The following LTN1 variants were observed in gnomAD, a reference collection of about 807,000 sequenced individuals.
The protein encoded by LTN1 is listerin E3 ubiquitin protein ligase 1, also known as E3 ubiquitin-protein ligase listerin.
A neutral mutation model predicts 201.2 loss-of-function variants in LTN1; 88 were observed. That is an observed-to-expected ratio of 0.44 (90% CI 0.37 to 0.52). The LOEUF (loss-of-function observed/expected upper bound fraction) is 0.52. LTN1 is among the 20% of genes least tolerant of loss of function. LTN1 has a pLI of 0.00. For synonymous variants in LTN1, 645 were observed against 713.5 expected (o/e 0.90, Z 1.53); for missense variants, 1,752 against 2,038.7 (o/e 0.86, Z 2.71).
chr21:28,967,040 T>G lies in LTN1; in HGVS notation c.1451A>C (p.Glu484Ala). 2 of 1,614,184 alleles carry G rather than the reference T, an allele frequency of 1.2e-6. No homozygotes were observed. The highest frequency in any genetic ancestry group is 8.5e-7 in the Non-Finnish European group (1 of 1,180,020). The change falls in exon 10 of 30, where the codon GAG (glutamate) becomes GCG (alanine). Residue 484 changes from glutamate to alanine, a missense_variant. Coordinates refer to ENST00000361371, the MANE Select transcript of LTN1 (RefSeq NM_015565.3). ...TTCCCAGAAATGTATCAGTACGTTC[T>G]CCAAGTTGTGAGCTGTTTTTTCATC... The part of the protein sequence containing the change: ...EKDEKTAHNL[E>A]NVLIHFWERL...
Position 28,971,338 on chromosome 21 carries a change from T to TCAATG in LTN1, c.912_916dup (p.Asp306AlafsTer31). The TCAATG allele has an allele frequency of 1.9e-6, 3 of 1,614,130 alleles. No homozygotes were observed. The highest frequency in any genetic ancestry group is 2.5e-6 in the Non-Finnish European group (3 of 1,179,980). ...TGGGCAGACAATTGGGTCACTGTCA[T>TCAATG]CAATGCTAAGTAGAACTGATGGGCT... On this transcript the variant is annotated frameshift_variant, in exon 7 of 30. Transcript: ENST00000361371. LOFTEE classifies it high-confidence loss of function.
Position 28,959,504 on chromosome 21 carries a change from A to C in LTN1, c.2547T>G (p.Thr849=). 6.2e-7 allele frequency: 1 copy of C among 1,613,976 alleles called. No homozygotes were observed. Among genetic ancestry groups the C allele is most frequent in the Middle Eastern group, 1.7e-4 (1 of 6,056 alleles). ...LMPSSEDLLL[T]LFQLCAQSKE... The stretch of plus-strand genomic sequence containing the variant: ...TGCTCTGAGCACATAACTGAAAGAG[A>C]GTTAATAATAAATCTTCAGATGATG... The change falls in exon 13 of 30, where the codon ACT becomes ACG. Residue 849 remains threonine (T), a synonymous_variant. Transcript: ENST00000361371.
At chr21:28,976,538 T>C (rs1168432403) in intron 6 of LTN1, among the ~76,000 whole-genome samples, 1 of 149,706 alleles carries the variant, frequency 6.7e-6, no homozygotes, top group Non-Finnish European at 1.5e-5. Flanking sequence ...AGGCAGAGGT[T>C]GCAGTGAGCC....
chr21:28,983,598 G>C (rs576302208), intron 4 of LTN1, among the ~76,000 whole-genome samples: 1 of 152,162 alleles, frequency 6.6e-6, no homozygotes, highest in African/African-American at 2.4e-5. Flanking sequence ...GGGAAGCAGG[G>C]ACCAGATCAT....
At position 28,930,449 on chromosome 21, in the gene LTN1, C is replaced by T; in HGVS notation, c.5300G>A (p.Ter1767=). 2 of 1,611,358 alleles carry T rather than the reference C, an allele frequency of 1.2e-6. No individual in the cohort carries two copies. The highest frequency in any genetic ancestry group is 1.7e-6 in the Non-Finnish European group (2 of 1,178,262). ...GGATCCCTTCCAGTGAAAAAAATCT[C>T]AGAAAAACGTCTCACGACACAGTGG... ...TCPLCRETFF[*] Residue 1767 remains the stop codon, a stop_retained_variant, in exon 30 of 30, where the codon TGA becomes TAA. Transcript: ENST00000361371.
rs1034679944 is a variant in LTN1, at chr21:28,953,101, T to C, written c.3239+116A>G. ...TATTTATTATTAAGAATAGGAATTA[T>C]TTAGATCAATCCTCTGACTGAAACA... is the stretch of plus-strand genomic sequence containing the variant. On this transcript the variant is annotated intron_variant, in intron 17 of 29. Coordinates refer to ENST00000361371, the MANE Select transcript of LTN1 (RefSeq NM_015565.3). The C allele has an allele frequency of 2.0e-5, 12 of 610,402 alleles. No homozygotes were observed. The Admixed American group carries it at 2.4e-4, about 12-fold the overall frequency. The allele number at this position is 610,402 out of a possible 1,614,324, so 37.8% of individuals were successfully genotyped here.
At chr21:28,933,661 TTCTCTC>T (rs67814193) in intron 27 of LTN1, among the ~76,000 whole-genome samples, 1 of 151,168 alleles carries the variant, frequency 6.6e-6, no homozygotes, top group Non-Finnish European at 1.5e-5. Flanking sequence ...TGCAATACTA[TTCTCTC>T]TCTCTCTCTC....
In LTN1 at chr21:28,958,522, G is replaced by C; in HGVS notation, c.2611C>G (p.Leu871Val). ...THLPDFLICKLKNTWLSGVNL... is the reference protein window; with the variant it reads ...THLPDFLICKVKNTWLSGVNL... ...ACACCAGAGAGCCAAGTATTTTTCA[G>C]TTTACAGATAAGAAAATCTAAAATC... The change falls in exon 14 of 30, where the codon CTG becomes GTG. Residue 871 changes from leucine (L) to valine (V), a missense_variant. By Grantham distance (32) the Leu-to-Val change is conservative. Transcript: ENST00000361371. 6.3e-7 allele frequency: 1 copy of C among 1,598,618 alleles called. No individual in the cohort carries two copies. Among genetic ancestry groups the C allele is most frequent in the South Asian group, 1.1e-5 (1 of 88,382 alleles).
At chr21:28,950,629 C>A (rs1036546477) in intron 18 of LTN1, among the ~76,000 whole-genome samples, 1 of 152,116 alleles carries the variant, frequency 6.6e-6, no homozygotes, top group Admixed American at 6.5e-5. Flanking sequence ...GATCCTCCCA[C>A]CTCAGCCTCC....
intron 9 of LTN1, 98 bp downstream of exon 9, chr21:28,969,368 A>C (rs2084554078): frequency 1.0e-6 from 1 of 1,001,746 alleles, no homozygotes; most frequent in South Asian, 2.2e-5. Context: ...AAATTTTTAC[A>C]AGGAAGGCTT....
At chr21:28,987,055 G>T in intron 1 of LTN1, 121 bp from the exon 2 acceptor site, 1 of 660,656 alleles carries the variant, frequency 1.5e-6, no homozygotes, top group Non-Finnish European at 2.5e-6. Flanking sequence ...TTTTTTCCTA[G>T]CCTAAAATTT....
rs182212287 is a variant in LTN1, at chr21:28,930,628, C to T, written c.5239-118G>A. 1,064 of 632,666 alleles carry T rather than the reference C, an allele frequency of 1.7e-3. 8 individuals carry two copies. Among genetic ancestry groups the T allele is most frequent in the South Asian group, 4.5e-3 (162 of 35,698 alleles). 39.2% of individuals were successfully genotyped at this position (632,666 alleles called of 1,614,324 possible). A position where few individuals can be genotyped will look rare whatever the true frequency, so the allele number is the denominator to read the frequency against. ...AAATGATAAAGTGAAAAGGGAAGAACAATAAAATTTTTGCTCTTTCTGTTA... is the reference window on the plus strand; with the variant it reads ...AAATGATAAAGTGAAAAGGGAAGAATAATAAAATTTTTGCTCTTTCTGTTA... On this transcript the variant is annotated intron_variant, in intron 29 of 29. Coordinates refer to ENST00000361371, the MANE Select transcript of LTN1 (RefSeq NM_015565.3).
At chr21:28,987,456 T>C (rs1343229674) in intron 1 of LTN1, among the ~76,000 whole-genome samples, 1 of 152,246 alleles carries the variant, frequency 6.6e-6, no homozygotes, top group Non-Finnish European at 1.5e-5. Flanking sequence ...CCAGGTCTAA[T>C]GATAGCTGCC....
Position 28,959,530 on chromosome 21 carries a change from G to A in LTN1, c.2521C>T (p.Pro841Ser). The stretch of plus-strand genomic sequence containing the variant: ...GTTAATAATAAATCTTCAGATGATG[G>A]CATTAGCAAGCATCCTTTCGCTGAG... ...FSSAKGCLLMPSSEDLLLTLF... is the reference protein window; with the variant it reads ...FSSAKGCLLMSSSEDLLLTLF... The change falls in exon 13 of 30, where the codon CCA becomes TCA. Residue 841 changes from proline to serine, a missense_variant. Pro to Ser is a moderately conservative substitution (Grantham distance 74). This residue lies in a region of LTN1 where 1,211 missense variants were observed against 1,312.8 expected (regional missense o/e 0.92). Coordinates refer to ENST00000361371, the MANE Select transcript of LTN1 (RefSeq NM_015565.3). 2 of 1,613,902 alleles carry A rather than the reference G, an allele frequency of 1.2e-6. No individual in the cohort carries two copies. The highest frequency in any genetic ancestry group is 8.5e-7 in the Non-Finnish European group (1 of 1,179,918).
At position 28,959,439 on chromosome 21, in the gene LTN1, T is replaced by A; in HGVS notation, c.2593+19A>T. On this transcript the variant is annotated intron_variant, in intron 13 of 29. Coordinates refer to ENST00000361371, the MANE Select transcript of LTN1 (RefSeq NM_015565.3). ...GAGCCGGAGATTCCCAACAAAACAT[T>A]TGAGCAGTAGGCTATTACCTGGCAA... 1.2e-6 allele frequency: 2 copies of A among 1,605,512 alleles called. No individual in the cohort carries two copies. Among genetic ancestry groups the A allele is most frequent in the South Asian group, 2.2e-5 (2 of 90,002 alleles).
Position 28,967,065 on chromosome 21 carries a change from C to T in LTN1, c.1426G>A (p.Asp476Asn). ...TCCAAGTTGTGAGCTGTTTTTTCAT[C>T]TTTTTCCGTGTCTGCTTTGGCTTCC... ...SWEAKADTEK[D>N]EKTAHNLENV... The change falls in exon 10 of 30, where the codon GAT (aspartate) becomes AAT (asparagine). Residue 476 changes from aspartate to asparagine, a missense_variant. Transcript: ENST00000361371. 3 of 1,614,110 alleles carry T rather than the reference C, an allele frequency of 1.9e-6. No individual in the cohort carries two copies. Among genetic ancestry groups the T allele is most frequent in the Non-Finnish European group, 2.5e-6 (3 of 1,180,010 alleles).
intron 25 of LTN1, among the ~76,000 whole-genome samples, chr21:28,940,338 T>A (rs1350129942): frequency 6.6e-6 from 1 of 152,242 alleles, no homozygotes; most frequent in South Asian, 2.1e-4. Context: ...TTCCAGTTTC[T>A]TCTTGGACAA....
intron 6 of LTN1, among the ~76,000 whole-genome samples, chr21:28,972,175 C>T (rs990254301): frequency 3.5e-4 from 53 of 152,228 alleles, no homozygotes; most frequent in African/African-American, 1.2e-3. Context: ...GAGGACACAG[C>T]AAAAAGTAGC....
chr21:28,935,656 C>T (rs536145678), intron 26 of LTN1, among the ~76,000 whole-genome samples: 16 of 151,918 alleles, frequency 1.1e-4, no homozygotes, highest in East Asian at 7.8e-4. Context: ...CTGGCTAAAA[C>T]GGTGAAACCC....
Sources: gnomAD v4.1 joint callset for allele counts (sites outside exome capture counted in the v4.1 genomes callset) on GRCh38, gnomAD v4.1.1 for gene constraint, gnomAD v4.1.1 regional missense constraint, MANE v1.5 for transcripts, NCBI Gene and HGNC (gene_info 2026-07-23, HGNC 2026-07-21) for gene names.